The following PCDHGA4 variants were observed in gnomAD, a reference collection of about 807,000 sequenced individuals.
PCDHGA4 encodes protocadherin gamma-A4.
Under a neutral mutation model 54.6 loss-of-function variants are expected in PCDHGA4, and 38 were observed. The ratio of observed to expected loss-of-function variants is 0.70; its 90% CI spans 0.54 to 0.91. PCDHGA4 has a LOEUF of 0.91. Ranked by LOEUF, PCDHGA4 falls within the 40% of genes least tolerant of loss-of-function variation. The pLI, the probability that PCDHGA4 is intolerant of heterozygous loss-of-function variation, is 0.00. For synonymous variants in PCDHGA4, 511 were observed against 512.9 expected (o/e 1.00, Z 0.05); for missense variants, 1,298 against 1,220.9 (o/e 1.06, Z -0.94).
intron 1 of PCDHGA4, chr5:141,374,996 G>A: frequency 1.9e-6 from 3 of 1,614,006 alleles, no homozygotes; most frequent in Non-Finnish European, 2.5e-6. Context: ...TTCAACTTCT[G>A]CAAATCTAGA....
intron 1 of PCDHGA4, among the ~76,000 whole-genome samples, chr5:141,381,312 A>G (rs1365514844): frequency 1.3e-5 from 2 of 152,240 alleles, no homozygotes; most frequent in African/African-American, 4.8e-5. Flanking sequence ...ATTCTCTTTT[A>G]TTCTGCAACT....
At chr5:141,414,899 G>T (rs756810046) in intron 1 of PCDHGA4, 1 of 1,614,182 alleles carries the variant, frequency 6.2e-7, no homozygotes, top group Non-Finnish European at 8.5e-7. Context: ...CCCACAGACG[G>T]TTCCACAGGC....
intron 1 of PCDHGA4, among the ~76,000 whole-genome samples, chr5:141,381,018 ATTAG>A (rs1442442460): frequency 4.6e-5 from 7 of 152,398 alleles, no homozygotes; most frequent in Admixed American, 1.3e-4. Context: ...TAATACCTCT[ATTAG>A]TTCCTTTAAA....
rs758578821 is a variant in PCDHGA4 at position 141,486,659 on chromosome 5, G to C, written c.2515-8148G>C. The C allele has an allele frequency of 6.8e-6, 11 of 1,613,944 alleles. No individual in the cohort carries two copies. The highest frequency in any genetic ancestry group is 8.5e-6 in the Non-Finnish European group (10 of 1,180,026). On this transcript the variant is annotated intron_variant, in intron 1 of 3. Coordinates refer to ENST00000571252, the MANE Select transcript of PCDHGA4 (RefSeq NM_018917.4). The surrounding 1 kb of genome is among the most constrained non-coding windows in gnomAD (Gnocchi z 5.0). ...TGCGCTTATCTCCTACTCACTCCTGGAGCCCAGGAATCGAGATGTATCAGC... is the reference window on the plus strand; with the variant it reads ...TGCGCTTATCTCCTACTCACTCCTGCAGCCCAGGAATCGAGATGTATCAGC...
intron 1 of PCDHGA4, chr5:141,404,272 G>A (rs2094505108): frequency 6.2e-7 from 1 of 1,613,834 alleles, no homozygotes; most frequent in Non-Finnish European, 8.5e-7. Flanking sequence ...ACATCACCCT[G>A]CAAGTGACTG....
intron 1 of PCDHGA4, chr5:141,367,099 T>A (rs1197346861): frequency 4.0e-6 from 1 of 250,422 alleles, no homozygotes; most frequent in Admixed American, 5.1e-5. Context: ...CTTTTGAGTG[T>A]CTGCCTAGAC....
chr5:141,413,682 C>G, intron 1 of PCDHGA4: 1 of 1,613,798 alleles, frequency 6.2e-7, no homozygotes, highest in South Asian at 1.1e-5. Context: ...TGGGCGTGAA[C>G]TCCCTGCAGA....
At position 141,491,687 on chromosome 5, in the gene PCDHGA4, G is replaced by T. The variant is rs946829558; in HGVS notation, c.2515-3120G>T. 6.2e-7 allele frequency: 1 copy of T among 1,613,072 alleles called. No individual in the cohort carries two copies. Among genetic ancestry groups the T allele is most frequent in the African/African-American group, 1.3e-5 (1 of 75,046 alleles). On this transcript the variant is annotated intron_variant, in intron 1 of 3. Transcript: ENST00000571252. This position sits in a 1 kb window ranked among gnomAD's most constrained non-coding sequence, Gnocchi z 6.9. ...ATCCGGTCCCGCTCTAATACGCTGC[G>T]GGAGCGGAGCCAGGTGAGGGGCTCG...
chr5:141,399,465 G>T, intron 1 of PCDHGA4: 1 of 1,614,014 alleles, frequency 6.2e-7, no homozygotes, highest in Non-Finnish European at 8.5e-7. Context: ...ATAACGCTCC[G>T]GTTTTCCACC....
intron 1 of PCDHGA4, among the ~76,000 whole-genome samples, chr5:141,450,006 C>CTATTTTTTTTTT (rs70988802): frequency 7.5e-6 from 1 of 132,986 alleles, no homozygotes. Context: ...TGCCATGTCT[C>CTATTTTTTTTTT]TTTTTTTTTT....
At chr5:141,360,913 T>G in intron 1 of PCDHGA4, 1 of 1,614,030 alleles carries the variant, frequency 6.2e-7, no homozygotes, top group Non-Finnish European at 8.5e-7. Flanking sequence ...GCCGGGCTTC[T>G]TTGTGCTTCA....
intron 1 of PCDHGA4, chr5:141,365,283 A>C: frequency 6.2e-7 from 1 of 1,614,010 alleles, no homozygotes; most frequent in East Asian, 2.2e-5. Context: ...TACCTCATGG[A>C]AGTGGTAGCT....
rs2091498902 is a variant in PCDHGA4 at position 141,388,801 on chromosome 5, A to G, written c.2514+31180A>G. The G allele has an allele frequency of 1.9e-6, 3 of 1,613,940 alleles. No homozygotes were observed. The East Asian group carries it at 6.7e-5, about 36-fold the overall frequency. On this transcript the variant is annotated intron_variant, in intron 1 of 3. Coordinates refer to ENST00000571252, the MANE Select transcript of PCDHGA4 (RefSeq NM_018917.4). Reference sequence around the variant, plus strand: ...GAAATTACTGTTTTAAATACATTAGATTTTGAAGAAGTCAAAGAATATTCC... The same window carrying G: ...GAAATTACTGTTTTAAATACATTAGGTTTTGAAGAAGTCAAAGAATATTCC...
chr5:141,476,206 C>A lies in PCDHGA4; in HGVS notation c.2515-18601C>A. On this transcript the variant is annotated intron_variant, in intron 1 of 3. Transcript: ENST00000571252. This position sits in a 1 kb window ranked among gnomAD's most constrained non-coding sequence, Gnocchi z 7.6. ...TGCTTGGTGCCTTGAACAAGGCTTC[C>A]ACGGTCATTCACTATGAGATCCCGG... 1 of 1,613,930 alleles carries A rather than the reference C, an allele frequency of 6.2e-7. No individual in the cohort carries two copies. The highest frequency in any genetic ancestry group is 1.7e-5 in the Admixed American group (1 of 60,004).
Position 141,431,920 on chromosome 5 carries a change from A to C in PCDHGA4, c.2515-62887A>C. On this transcript the variant is annotated intron_variant, in intron 1 of 3. Transcript: ENST00000571252. The surrounding 1 kb of genome is among the most constrained non-coding windows in gnomAD (Gnocchi z 4.8). ...ACGGACAGGTGATCTGTTTCATCCA[A>C]GGAAATCTGCCCTTTAAATTAGAAA... 1 of 1,614,164 alleles carries C rather than the reference A, an allele frequency of 6.2e-7. No individual in the cohort carries two copies. Among genetic ancestry groups the C allele is most frequent in the Non-Finnish European group, 8.5e-7 (1 of 1,179,976 alleles).
chr5:141,415,484 G>C (rs369349538), intron 1 of PCDHGA4: 18 of 1,614,102 alleles, frequency 1.1e-5, no homozygotes, highest in Non-Finnish European at 1.5e-5. Flanking sequence ...TCGCGAAAGA[G>C]TCACCTGATC....
intron 1 of PCDHGA4, among the ~76,000 whole-genome samples, chr5:141,473,759 C>G (rs989399714): frequency 3.3e-5 from 5 of 152,158 alleles, no homozygotes; most frequent in African/African-American, 1.2e-4. Flanking sequence ...GGATACTATG[C>G]AAAGGATTTG....
rs911908895 is a variant in PCDHGA4 at position 141,355,389 on chromosome 5, A to G, written c.282A>G (p.Gly94=). 1.2e-6 allele frequency: 2 copies of G among 1,614,068 alleles called. No individual in the cohort carries two copies. Among genetic ancestry groups the G allele is most frequent in the Non-Finnish European group, 1.7e-6 (2 of 1,179,918 alleles). The part of the protein sequence containing the change: ...GLAPRELAER[G]VRIVSRGRTQ... ...CGCCCCGGGAGCTGGCGGAGCGCGG[A>G]GTCCGCATCGTCTCCAGAGGTAGGA... Residue 94 remains glycine, a synonymous_variant, in exon 1 of 4, where the codon GGA becomes GGG. Transcript: ENST00000571252.
At position 141,362,803 on chromosome 5, in the gene PCDHGA4, A is replaced by G. The variant is rs148727944; in HGVS notation, c.2514+5182A>G. On this transcript the variant is annotated intron_variant, in intron 1 of 3. Transcript: ENST00000571252. ...ATTTCTTTTTCTTCCTCATCTTTACATTACTTCTCTCTGCAGATTTGTTGC... is the reference window on the plus strand; with the variant it reads ...ATTTCTTTTTCTTCCTCATCTTTACGTTACTTCTCTCTGCAGATTTGTTGC... 1.0e-3 allele frequency among the ~76,000 whole-genome samples: 152 copies of G among 152,282 alleles called. 1 individual carries two copies. The highest frequency in any genetic ancestry group is 3.3e-3 in the African/African-American group (137 of 41,538).
Sources: gnomAD v4.1 joint callset for allele counts (sites outside exome capture counted in the v4.1 genomes callset) on GRCh38, gnomAD v4.1.1 for gene constraint, Gnocchi (gnomAD v3.1) non-coding constraint, MANE v1.5 for transcripts, NCBI Gene and HGNC (gene_info 2026-07-23, HGNC 2026-07-21) for gene names.